RTN4R: variants seen among roughly 807,000 people sequenced by gnomAD.
The protein encoded by RTN4R is reticulon 4 receptor.
RTN4R carries 4 observed loss-of-function variants against 27.7 expected under a neutral mutation model. The observed-to-expected ratio is 0.14, with a 90% confidence interval of 0.07 to 0.33. The LOEUF (loss-of-function observed/expected upper bound fraction) is 0.33, where lower values mean the gene tolerates loss of function less well. Ranked by LOEUF, RTN4R falls within the 10% of genes least tolerant of loss-of-function variation. The pLI is 1.00. For missense variants in RTN4R, 554 were observed against 671.5 expected (o/e 0.83, Z 1.93); for synonymous variants, 290 against 305.6 (o/e 0.95, Z 0.53).
In RTN4R at chr22:20,255,761, G is replaced by A. The variant is rs915034824; in HGVS notation, c.22+12310C>T. 1.3e-5 allele frequency among the ~76,000 whole-genome samples: 2 copies of A among 152,030 alleles called. No homozygotes were observed. Among genetic ancestry groups the A allele is most frequent in the Non-Finnish European group, 2.9e-5 (2 of 68,000 alleles). On this transcript the variant is annotated intron_variant, in intron 1 of 1. Coordinates refer to ENST00000043402, the MANE Select transcript of RTN4R (RefSeq NM_023004.6). This position sits in a 1 kb window ranked among gnomAD's most constrained non-coding sequence, Gnocchi z 4.8. ...CCCCACTCCAGGCTGGGGCCCCTCA[G>A]GAGCCGGGGGTAGGGGTGTGCGGTC...
intron 1 of RTN4R, among the ~76,000 whole-genome samples, chr22:20,258,872 A>G (rs1026286290): frequency 6.6e-6 from 1 of 152,004 alleles, no homozygotes; most frequent in Non-Finnish European, 1.5e-5. Flanking sequence ...GGAAGTGATA[A>G]CTCAGCTAGG....
At chr22:20,248,870 G>T (rs2051158282) in intron 1 of RTN4R, among the ~76,000 whole-genome samples, 1 of 152,166 alleles carries the variant, frequency 6.6e-6, no homozygotes, top group African/African-American at 2.4e-5. Context: ...TTCATCTTTG[G>T]TCAATGCTGG....
At chr22:20,252,600 C>T (rs1182950688) in intron 1 of RTN4R, among the ~76,000 whole-genome samples, 1 of 152,150 alleles carries the variant, frequency 6.6e-6, no homozygotes, top group Non-Finnish European at 1.5e-5. Context: ...TGCCCACCCC[C>T]ATCTTCATCA....
chr22:20,245,626 C>T (rs538445112), intron 1 of RTN4R, among the ~76,000 whole-genome samples: 22 of 152,174 alleles, frequency 1.4e-4, no homozygotes, highest in Non-Finnish European at 2.8e-4. Flanking sequence ...CTGACCTGTC[C>T]CCTGGGCTCT....
intron 1 of RTN4R, among the ~76,000 whole-genome samples, 173 bp downstream of exon 1, chr22:20,267,898 G>C (rs2051288728): frequency 6.6e-6 from 1 of 152,002 alleles, no homozygotes; most frequent in Admixed American, 6.5e-5. Context: ...TCCCGGGGCC[G>C]GGGCGCCAGC....
chr22:20,243,603 G>A (rs1259569694), intron 1 of RTN4R: 10 of 431,342 alleles, frequency 2.3e-5, no homozygotes, highest in Non-Finnish European at 3.4e-5. Flanking sequence ...GCCCGAGGGC[G>A]GGGGTGGAGG....
At chr22:20,250,939 AG>A (rs769802277) in intron 1 of RTN4R, among the ~76,000 whole-genome samples, 23 of 152,228 alleles carry the variant, frequency 1.5e-4, no homozygotes, top group Non-Finnish European at 3.2e-4. Context: ...TGAATGACAC[AG>A]TCCGGCTTCG....
At chr22:20,260,587 TGA>T (rs1294660886) in intron 1 of RTN4R, among the ~76,000 whole-genome samples, 3 of 151,908 alleles carry the variant, frequency 2.0e-5, no homozygotes, top group Non-Finnish European at 4.4e-5. Flanking sequence ...CCCGGGTGAG[TGA>T]GTTCCCCAGG....
chr22:20,243,476 G>T (rs533377458), intron 1 of RTN4R: 3 of 533,608 alleles, frequency 5.6e-6, no homozygotes, highest in East Asian at 5.1e-5. Context: ...CACAGAGCCC[G>T]CATTGCAGGA....
intron 1 of RTN4R, among the ~76,000 whole-genome samples, chr22:20,262,273 G>T (rs1213523854): frequency 6.6e-6 from 1 of 152,160 alleles, no homozygotes; most frequent in Non-Finnish European, 1.5e-5. Context: ...AGCTGTGTGT[G>T]CAGGAGAGAT....
chr22:20,267,768 C>T (rs1175229179), intron 1 of RTN4R: 5 of 410,418 alleles, frequency 1.2e-5, no homozygotes, highest in Non-Finnish European at 1.9e-5. Flanking sequence ...TTCCAGCCCA[C>T]GGCCCCCGCC....
chr22:20,251,394 C>A (rs902416764), intron 1 of RTN4R, among the ~76,000 whole-genome samples: 5 of 152,008 alleles, frequency 3.3e-5, no homozygotes, highest in Admixed American at 6.5e-5. Context: ...CCACCCTCCA[C>A]GGCCTCAGGC....
intron 1 of RTN4R, 40 bp downstream of exon 1, chr22:20,268,031 C>T (rs1014618120): frequency 1.1e-5 from 13 of 1,148,208 alleles, no homozygotes; most frequent in Non-Finnish European, 1.4e-5. Flanking sequence ...CCCTCCGCGC[C>T]CCGCCGCCGG....
chr22:20,257,480 C>T (rs1388470028), intron 1 of RTN4R, among the ~76,000 whole-genome samples: 2 of 152,196 alleles, frequency 1.3e-5, no homozygotes, highest in Non-Finnish European at 2.9e-5. Context: ...TCCACCCTTC[C>T]ATCCCCTACC....
rs117285556 is a variant in RTN4R at position 20,256,234 on chromosome 22, T to C, written c.22+11837A>G. Among the ~76,000 whole-genome samples, 1,002 of 152,280 alleles carry C rather than the reference T, an allele frequency of 6.6e-3. 22 individuals are homozygous for C. In the East Asian group the frequency reaches 0.083, roughly 13 times the overall value. The stretch of plus-strand genomic sequence containing the variant: ...CATCTCTGTCTGGGACCCACGCCAC[T>C]GAGCCCAGGGCACAGAGGGGTCCCT... On this transcript the variant is annotated intron_variant, in intron 1 of 1. Coordinates refer to ENST00000043402, the MANE Select transcript of RTN4R (RefSeq NM_023004.6).
At chr22:20,263,663 T>A (rs1410282940) in intron 1 of RTN4R, among the ~76,000 whole-genome samples, 1 of 152,202 alleles carries the variant, frequency 6.6e-6, no homozygotes, top group Non-Finnish European at 1.5e-5. Context: ...TGAATGGGGC[T>A]TTCCACCTGC....
At position 20,241,645 on chromosome 22, in the gene RTN4R, G is replaced by T; in HGVS notation, c.*66C>A. ...GGTCGGCCGCCCGGCTGGCTTGGCG[G>T]CGTGGAGAGAGACCCCGTATGTACA... is the stretch of plus-strand genomic sequence containing the variant. On this transcript the variant is annotated 3_prime_UTR_variant, in exon 2 of 2. Transcript: ENST00000043402. The T allele has an allele frequency of 6.5e-7, 1 of 1,531,200 alleles. No homozygotes were observed. Among genetic ancestry groups the T allele is most frequent in the Non-Finnish European group, 8.8e-7 (1 of 1,132,588 alleles). 94.9% of individuals were successfully genotyped at this position (1,531,200 alleles called of 1,614,324 possible). A position where few individuals can be genotyped will look rare whatever the true frequency, so the allele number is the denominator to read the frequency against.
intron 1 of RTN4R, among the ~76,000 whole-genome samples, chr22:20,245,824 G>A (rs1311294256): frequency 6.6e-6 from 1 of 152,186 alleles, no homozygotes; most frequent in African/African-American, 2.4e-5. Flanking sequence ...GGAGCCTCCA[G>A]TATGAGCTCT....
intron 1 of RTN4R, among the ~76,000 whole-genome samples, chr22:20,266,695 C>T (rs2051278830): frequency 6.6e-6 from 1 of 152,236 alleles, no homozygotes; most frequent in Non-Finnish European, 1.5e-5. Flanking sequence ...CCCCTCACAC[C>T]CTGGGCTTTG....
Sources: allele counts gnomAD v4.1 joint callset (sites outside exome capture counted in the v4.1 genomes callset), GRCh38; gene constraint gnomAD v4.1.1; non-coding constraint Gnocchi (gnomAD v3.1); transcripts MANE v1.5; gene names NCBI Gene and HGNC (gene_info 2026-07-23, HGNC 2026-07-21).